Variants in RYR2 observed in about 807,000 individuals in gnomAD.
The protein encoded by RYR2 is ryanodine receptor 2, also known as cardiac muscle ryanodine receptor-calcium release channel.
In RYR2, 227 loss-of-function variants were observed where a neutral mutation model predicts 601.1. That is an observed-to-expected ratio of 0.38 (90% CI 0.34 to 0.42). The LOEUF (loss-of-function observed/expected upper bound fraction) is 0.42. Among genes scored for constraint, RYR2 ranks in the 10% least tolerant of loss-of-function variants. The probability of loss-of-function intolerance (pLI) is 1.00; values close to 1 mark genes in which losing one functional copy is unlikely to be tolerated. For missense variants in RYR2, 4,646 were observed against 6,156.5 expected, an observed-to-expected ratio of 0.75 and a Z score of 8.21; for synonymous variants, 2,223 against 2,175.1, an observed-to-expected ratio of 1.02 and a Z score of -0.61.
At chr1:237,331,064 G>T in intron 3 of RYR2, 82 bp downstream of exon 3, 1 of 1,198,404 alleles carries the variant, frequency 8.3e-7, no homozygotes, top group South Asian at 1.2e-5. Flanking sequence ...AGGTGTCAGA[G>T]ATTTTCTTTT....
At position 237,492,824 on chromosome 1, in the gene RYR2, AAAGGAAGGAAGG is replaced by A. The variant is rs748804324; in HGVS notation, c.1828-94_1828-83del. ...GGGTGACAGAGTGAGATGCTGTCTGAAAGGAAGGAAGGAAGGAAGGAAGGAAGGAAGGAAGGA... is the reference window on the plus strand; with the variant it reads ...GGGTGACAGAGTGAGATGCTGTCTGAAAGGAAGGAAGGAAGGAAGGAAGGA... On this transcript the variant is annotated intron_variant, in intron 18 of 104. Coordinates refer to ENST00000366574, the MANE Select transcript of RYR2 (RefSeq NM_001035.3). 2,446 of 775,384 alleles carry A rather than the reference AAAGGAAGGAAGG, an allele frequency of 3.2e-3. 8 individuals are homozygous for A. Among genetic ancestry groups the A allele is most frequent in the Admixed American group, 4.2e-3 (144 of 34,194 alleles). The allele number at this position is 775,384 out of a possible 1,614,324, so 48.0% of individuals were successfully genotyped here.
intron 1 of RYR2, among the ~76,000 whole-genome samples, chr1:237,152,817 TA>T (rs1286263081): frequency 2.0e-5 from 3 of 152,104 alleles, no homozygotes; most frequent in Non-Finnish European, 2.9e-5. Context: ...GGGATCTCAT[TA>T]AACTAAAGAG....
At chr1:237,751,466 C>A (rs1692531529) in intron 80 of RYR2, among the ~76,000 whole-genome samples, 1 of 152,186 alleles carries the variant, frequency 6.6e-6, no homozygotes, top group Non-Finnish European at 1.5e-5. Context: ...ATTGTGTCAA[C>A]TGGACCCTGA....
At chr1:237,069,118 T>G (rs1664001280) in intron 1 of RYR2, among the ~76,000 whole-genome samples, 1 of 152,154 alleles carries the variant, frequency 6.6e-6, no homozygotes, top group Non-Finnish European at 1.5e-5. Context: ...TGCTCTTCAT[T>G]GGTTGTTCTG....
At chr1:237,513,838 A>AT in intron 24 of RYR2, among the ~76,000 whole-genome samples, 1 of 152,252 alleles carries the variant, frequency 6.6e-6, no homozygotes, top group Non-Finnish European at 1.5e-5. Flanking sequence ...CTAAAGACCC[A>AT]TTTCTCAGAG....
At chr1:237,751,629 A>C (rs964048951) in intron 80 of RYR2, among the ~76,000 whole-genome samples, 5 of 152,248 alleles carry the variant, frequency 3.3e-5, no homozygotes, top group Non-Finnish European at 5.9e-5. Context: ...CACATTACAC[A>C]GTATATCTAA....
intron 1 of RYR2, among the ~76,000 whole-genome samples, chr1:237,054,737 G>A (rs758908421): frequency 9.2e-5 from 14 of 152,076 alleles, no homozygotes; most frequent in Non-Finnish European, 1.5e-4. Context: ...TGTTTGAGTC[G>A]TATTTTTACT....
chr1:237,419,107 T>G (rs1705298902), intron 11 of RYR2, among the ~76,000 whole-genome samples: 1 of 152,126 alleles, frequency 6.6e-6, no homozygotes, highest in Admixed American at 6.5e-5. Flanking sequence ...ATTAATTGTA[T>G]ACATAATTAC....
chr1:237,181,625 A>G (rs1318331775), intron 1 of RYR2, among the ~76,000 whole-genome samples: 1 of 152,174 alleles, frequency 6.6e-6, no homozygotes, highest in Non-Finnish European at 1.5e-5. Flanking sequence ...GGTATGCCTC[A>G]ACTAGAAATA....
chr1:237,778,287 T>C (rs1395658726), intron 87 of RYR2, among the ~76,000 whole-genome samples: 2 of 152,046 alleles, frequency 1.3e-5, no homozygotes, highest in Non-Finnish European at 1.5e-5. Context: ...TAAAGCATAT[T>C]CTCAGATTCT....
rs770034115 is a variant in RYR2, at chr1:237,487,556, C to CAA, written c.1709-4231_1709-4230dup. Among the ~76,000 whole-genome samples, 269 of 40,582 alleles carry CAA rather than the reference C, an allele frequency of 6.6e-3. 2 individuals are homozygous for CAA. Among genetic ancestry groups the CAA allele is most frequent in the African/African-American group, 0.017 (249 of 14,388 alleles). The allele number at this position is 40,582 out of a possible 152,430, so 26.6% of individuals were successfully genotyped here. On this transcript the variant is annotated intron_variant, in intron 17 of 104. Coordinates refer to ENST00000366574, the MANE Select transcript of RYR2 (RefSeq NM_001035.3). ...CATAATGAGACCACCCCCGTCTCTA[C>CAA]AAAAAAAAAAAAAAAAAAAAGCTCA...
rs188835713 is a variant in RYR2, at chr1:237,643,408, G to A, written c.7303G>A (p.Val2435Ile). ...SLIPLGDLVG[V>I]ISIAFQMPTI... ...CATTCCCCTGGGAGATTTGGTGGGC[G>A]TTATCAGCATCGCTTTTCAGATGCC... The change falls in exon 48 of 105, where the codon GTT becomes ATT. Residue 2435 changes from valine to isoleucine, a missense_variant. Physicochemically the swap from Val to Ile is conservative, Grantham distance 29. Transcript: ENST00000366574. 5 of 1,613,682 alleles carry A rather than the reference G, an allele frequency of 3.1e-6. No individual in the cohort carries two copies. The highest frequency in any genetic ancestry group is 1.6e-4 in the Middle Eastern group (1 of 6,084).
At chr1:237,681,857 G>T (rs569964444) in intron 62 of RYR2, among the ~76,000 whole-genome samples, 7 of 152,220 alleles carry the variant, frequency 4.6e-5, no homozygotes, top group African/African-American at 1.7e-4. Context: ...ATATCTCAAG[G>T]CACCAAGTTA....
intron 104 of RYR2, among the ~76,000 whole-genome samples, chr1:237,831,972 T>C (rs1005383720): frequency 6.6e-6 from 1 of 152,154 alleles, no homozygotes; most frequent in African/African-American, 2.4e-5. Flanking sequence ...ACTGTGCAGA[T>C]TGTTAGTAGT....
At position 237,180,783 on chromosome 1, in the gene RYR2, G is replaced by T. The variant is rs1394166665; in HGVS notation, c.49-89714G>T. On this transcript the variant is annotated intron_variant, in intron 1 of 104. Transcript: ENST00000366574. The surrounding 1 kb of genome is among the most constrained non-coding windows in gnomAD (Gnocchi z 5.3). ...TATGTTAATAGTAATATGCTAACAT[G>T]AATTATACCAATTATATAATAATTA... is the stretch of plus-strand genomic sequence containing the variant. 6.8e-6 allele frequency among the ~76,000 whole-genome samples: 1 copy of T among 146,288 alleles called. No individual in the cohort carries two copies. Among genetic ancestry groups the T allele is most frequent in the Non-Finnish European group, 1.5e-5 (1 of 66,956 alleles).
At chr1:237,702,553 G>T (rs971337556) in intron 66 of RYR2, among the ~76,000 whole-genome samples, 1 of 152,036 alleles carries the variant, frequency 6.6e-6, no homozygotes, top group Non-Finnish European at 1.5e-5. Context: ...GTGAACCAGA[G>T]AAGAAAAACA....
At chr1:237,749,067 C>A (rs576919019) in intron 80 of RYR2, among the ~76,000 whole-genome samples, 1 of 152,298 alleles carries the variant, frequency 6.6e-6, no homozygotes, top group South Asian at 2.1e-4. Flanking sequence ...AACCAGTCCC[C>A]CACAGATACT....
chr1:237,391,376 G>A (rs535117093), intron 10 of RYR2, among the ~76,000 whole-genome samples: 1 of 152,042 alleles, frequency 6.6e-6, no homozygotes. Flanking sequence ...AAGGTCCTGG[G>A]AAATATGTAA....
At chr1:237,586,827 C>G (rs1674581494) in intron 29 of RYR2, among the ~76,000 whole-genome samples, 1 of 152,012 alleles carries the variant, frequency 6.6e-6, no homozygotes, top group South Asian at 2.1e-4. Context: ...TCAAGAGATT[C>G]TCCTGCCTCA....
Sources: allele counts gnomAD v4.1 joint callset (sites outside exome capture counted in the v4.1 genomes callset), GRCh38; gene constraint gnomAD v4.1.1; non-coding constraint Gnocchi (gnomAD v3.1); transcripts MANE v1.5; gene names NCBI Gene and HGNC (gene_info 2026-07-23, HGNC 2026-07-21).